Variants in SDC2 observed in about 807,000 individuals in gnomAD.
The protein encoded by SDC2 is syndecan 2, also known as syndecan-2.
In SDC2, 13 loss-of-function variants were observed where a neutral mutation model predicts 22.2. The ratio of observed to expected loss-of-function variants is 0.59; its 90% CI spans 0.38 to 0.93. The LOEUF (loss-of-function observed/expected upper bound fraction) is 0.93, where lower values mean the gene tolerates loss of function less well. Among genes scored for constraint, SDC2 ranks in the 40% least tolerant of loss-of-function variants. The pLI is 0.00. For missense variants in SDC2, 235 were observed against 246.8 expected, an observed-to-expected ratio of 0.95 and a Z score of 0.32; for synonymous variants, 94 against 92.8, an observed-to-expected ratio of 1.01 and a Z score of -0.07.
At chr8:96,573,940 A>C (rs777553168) in intron 1 of SDC2, among the ~76,000 whole-genome samples, 6 of 151,228 alleles carry the variant, frequency 4.0e-5, no homozygotes, top group Non-Finnish European at 8.8e-5. Context: ...ACAGAACTAA[A>C]ACTCCTCTCT....
At chr8:96,597,997 C>T (rs906702309) in intron 2 of SDC2, among the ~76,000 whole-genome samples, 1 of 152,096 alleles carries the variant, frequency 6.6e-6, no homozygotes, top group Admixed American at 6.6e-5. Flanking sequence ...ATACTTTAGA[C>T]TGGGTAATTT....
chr8:96,524,342 G>T (rs1250266473), intron 1 of SDC2, among the ~76,000 whole-genome samples: 4 of 152,146 alleles, frequency 2.6e-5, no homozygotes, highest in African/African-American at 9.7e-5. Context: ...GTTTGGGGGA[G>T]CTGCTGCTCG....
At chr8:96,533,886 T>G (rs1813707321) in intron 1 of SDC2, among the ~76,000 whole-genome samples, 1 of 152,142 alleles carries the variant, frequency 6.6e-6, no homozygotes, top group Non-Finnish European at 1.5e-5. Flanking sequence ...CCAGGTGCCA[T>G]GGAGCAGGGG....
At chr8:96,494,977 G>A (rs1021703284) in intron 1 of SDC2, among the ~76,000 whole-genome samples, 1 of 152,210 alleles carries the variant, frequency 6.6e-6, no homozygotes, top group African/African-American at 2.4e-5. Context: ...GGGGAGGCAC[G>A]GAACGCGTCC....
intron 3 of SDC2, among the ~76,000 whole-genome samples, chr8:96,605,584 G>A (rs1436184821): frequency 1.3e-5 from 2 of 152,218 alleles, no homozygotes; most frequent in East Asian, 3.8e-4. Context: ...AGAAAGGACG[G>A]TGACATTTTC....
chr8:96,591,102 A>G (rs1814773689), intron 1 of SDC2, among the ~76,000 whole-genome samples: 1 of 152,208 alleles, frequency 6.6e-6, no homozygotes, highest in African/African-American at 2.4e-5. Context: ...GTAGCATGAC[A>G]GATGTGTTAG....
chr8:96,602,745 T>C (rs1056941126), intron 3 of SDC2, among the ~76,000 whole-genome samples: 5 of 152,230 alleles, frequency 3.3e-5, no homozygotes, highest in African/African-American at 1.2e-4. Flanking sequence ...CTTACTCTTT[T>C]TGATCATTTT....
At chr8:96,506,937 A>G (rs2130432533) in intron 1 of SDC2, among the ~76,000 whole-genome samples, 1 of 148,114 alleles carries the variant, frequency 6.8e-6, no homozygotes, top group South Asian at 2.2e-4. Context: ...TGAACCCGAG[A>G]GGTGGAGATT....
chr8:96,596,451 A>G (rs1205609675), intron 2 of SDC2, among the ~76,000 whole-genome samples: 2 of 152,228 alleles, frequency 1.3e-5, no homozygotes, highest in Non-Finnish European at 2.9e-5. Context: ...GGGCTCAAGT[A>G]TGGGCATAAG....
chr8:96,587,277 A>G (rs746434051), intron 1 of SDC2, among the ~76,000 whole-genome samples: 1 of 152,158 alleles, frequency 6.6e-6, no homozygotes, highest in African/African-American at 2.4e-5. Flanking sequence ...ATTTTCTTTC[A>G]TGTGTGACCT....
intron 1 of SDC2, among the ~76,000 whole-genome samples, chr8:96,497,841 C>T (rs1275820994): frequency 6.6e-6 from 1 of 152,220 alleles, no homozygotes; most frequent in Non-Finnish European, 1.5e-5. Flanking sequence ...ACTAGATTGT[C>T]CTTCTTCCAT....
chr8:96,579,730 A>G (rs751232913), intron 1 of SDC2, among the ~76,000 whole-genome samples: 2 of 152,234 alleles, frequency 1.3e-5, no homozygotes, highest in African/African-American at 4.8e-5. Context: ...GTATTTAACA[A>G]TTATTGAATT....
intron 1 of SDC2, among the ~76,000 whole-genome samples, chr8:96,509,193 T>G (rs116437391): frequency 0.015 from 2,105 of 141,864 alleles, 232 homozygotes; most frequent in African/African-American, 0.05. Flanking sequence ...ATAAAGGAGA[T>G]TAGTCATAGT....
chr8:96,535,532 C>T (rs925549058), intron 1 of SDC2, among the ~76,000 whole-genome samples: 1 of 152,160 alleles, frequency 6.6e-6, no homozygotes, highest in African/African-American at 2.4e-5. Context: ...TTTCCTAAGG[C>T]CCTGTTTTGA....
intron 1 of SDC2, among the ~76,000 whole-genome samples, chr8:96,541,395 T>C (rs1813846839): frequency 6.6e-6 from 1 of 150,662 alleles, no homozygotes; most frequent in South Asian, 2.1e-4. Flanking sequence ...TGTTCCCAGC[T>C]ACTCAGGAGG....
At chr8:96,543,236 T>C (rs1299579615) in intron 1 of SDC2, among the ~76,000 whole-genome samples, 3 of 152,230 alleles carry the variant, frequency 2.0e-5, no homozygotes, top group Non-Finnish European at 2.9e-5. Flanking sequence ...ATTTTATGGC[T>C]AAAGACAAAA....
intron 3 of SDC2, among the ~76,000 whole-genome samples, chr8:96,603,775 T>C (rs1036907548): frequency 3.3e-5 from 5 of 152,094 alleles, no homozygotes; most frequent in African/African-American, 4.8e-5. Flanking sequence ...CTGTCCAAAT[T>C]GAAGTGCTTT....
intron 1 of SDC2, among the ~76,000 whole-genome samples, chr8:96,558,310 A>G (rs1220064505): frequency 1.3e-5 from 2 of 152,084 alleles, no homozygotes; most frequent in Non-Finnish European, 2.9e-5. Context: ...ATTGGGAGCA[A>G]TGATTAAGCA....
chr8:96,519,154 GA>G (rs1282964827), intron 1 of SDC2, among the ~76,000 whole-genome samples: 1 of 152,126 alleles, frequency 6.6e-6, no homozygotes, highest in Non-Finnish European at 1.5e-5. Flanking sequence ...CTAGGGGAGA[GA>G]GGGGGTTTGC....
Sources: allele counts gnomAD v4.1 joint callset (sites outside exome capture counted in the v4.1 genomes callset), GRCh38; gene constraint gnomAD v4.1.1; transcripts MANE v1.5; gene names NCBI Gene and HGNC (gene_info 2026-07-23, HGNC 2026-07-21).